Variants in ZFYVE28 observed in about 807,000 individuals in gnomAD.
The protein encoded by ZFYVE28 is lateral signaling target protein 2 homolog.
Under a neutral mutation model 82.1 loss-of-function variants are expected in ZFYVE28, and 40 were observed. The observed-to-expected ratio is 0.49, with a 90% CI of 0.38 to 0.63. The LOEUF is 0.63. Ranked by LOEUF, ZFYVE28 falls within the 30% of genes least tolerant of loss-of-function variation. The pLI is 0.00. For missense variants in ZFYVE28, 1,321 were observed against 1,242.1 expected (o/e 1.06, Z -0.96); for synonymous variants, 612 against 546.1 (o/e 1.12, Z -1.68).
Position 2,415,215 on chromosome 4 carries a change from T to A in ZFYVE28, c.39+3070A>T, listed in dbSNP as rs74799725. On this transcript the variant is annotated intron_variant, in intron 1 of 12. Transcript: ENST00000290974. ...ATTTTTATTCAGATATCAAAATGTA[T>A]GTCACACAGGAATATTTTTCAGCAT... 5.2e-3 allele frequency among the ~76,000 whole-genome samples: 792 copies of A among 152,370 alleles called. 7 individuals are homozygous for A. The highest frequency in any genetic ancestry group is 0.018 in the African/African-American group (755 of 41,586).
In ZFYVE28 at chr4:2,320,242, A is replaced by G; in HGVS notation, c.731T>C (p.Leu244Pro). Residue 244 changes from leucine to proline, a missense_variant, in exon 7 of 13, where the codon CTG becomes CCG. Coordinates refer to ENST00000290974, the MANE Select transcript of ZFYVE28 (RefSeq NM_020972.3). The surrounding 1 kb of genome is among the most constrained non-coding windows in gnomAD (Gnocchi z 5.1). ...CGLVVYADGPLNLDRKVEDMS... is the reference protein window; with the variant it reads ...CGLVVYADGPPNLDRKVEDMS... ...GTCTTCCACCTTGCGGTCCAAGTTC[A>G]GAGGTCCGTCCGCATAGACCACGAG... 1 of 1,613,780 alleles carries G rather than the reference A, an allele frequency of 6.2e-7. No individual in the cohort carries two copies. Among genetic ancestry groups the G allele is most frequent in the Non-Finnish European group, 8.5e-7 (1 of 1,179,992 alleles).
rs1293046946 is a variant in ZFYVE28 at position 2,339,811 on chromosome 4, T to C, written c.319-156A>G. Among the ~76,000 whole-genome samples the C allele has an allele frequency of 1.3e-5, 2 of 151,978 alleles. No individual in the cohort carries two copies. Among genetic ancestry groups the C allele is most frequent in the Admixed American group, 1.3e-4 (2 of 15,266 alleles). ...CCCGGTCCCCGCAGGAGGTTTTTCT[T>C]ACATTCAGAGCAATCGTGAGGGCGA... On this transcript the variant is annotated intron_variant, in intron 3 of 12. Transcript: ENST00000290974. This position sits in a 1 kb window ranked among gnomAD's most constrained non-coding sequence, Gnocchi z 5.0.
chr4:2,293,770 AAT>A lies in ZFYVE28; in HGVS notation c.2051+10517_2051+10518del, dbSNP rs201192049. On this transcript the variant is annotated intron_variant, in intron 8 of 12. Coordinates refer to ENST00000290974, the MANE Select transcript of ZFYVE28 (RefSeq NM_020972.3). ...TCCATCTCAAAAAAAAAAAAAAAAA[AAT>A]CTTCTAGAAGATCTACAAAAATCAG... Among the ~76,000 whole-genome samples the A allele has an allele frequency of 5.9e-5, 9 of 151,334 alleles. 2 individuals carry two copies. Among genetic ancestry groups the A allele is most frequent in the African/African-American group, 1.5e-4 (6 of 41,328 alleles).
chr4:2,270,355 G>GT lies in ZFYVE28; in HGVS notation c.*369_*370insA, dbSNP rs1735801515. On this transcript the variant is annotated 3_prime_UTR_variant, in exon 13 of 13. Coordinates refer to ENST00000290974, the MANE Select transcript of ZFYVE28 (RefSeq NM_020972.3). ...TTCCAGATTCACCGCAACAGCAGAG[G>GT]CGCAGAGTGGCCCCACTCTTGTCCA... 5.4e-6 allele frequency: 1 copy of GT among 186,884 alleles called. No homozygotes were observed. Among genetic ancestry groups the GT allele is most frequent in the Non-Finnish European group, 9.6e-6 (1 of 104,612 alleles). The allele number at this position is 186,884 out of a possible 1,614,324, so 11.6% of individuals were successfully genotyped here. A position where few individuals can be genotyped will look rare whatever the true frequency, so the allele number is the denominator to read the frequency against.
At chr4:2,389,893 G>A (rs868742898) in intron 1 of ZFYVE28, among the ~76,000 whole-genome samples, 3 of 152,106 alleles carry the variant, frequency 2.0e-5, no homozygotes, top group Non-Finnish European at 2.9e-5. Context: ...GTCCCCTCAC[G>A]GCATCCCCTC....
intron 1 of ZFYVE28, among the ~76,000 whole-genome samples, chr4:2,396,922 G>A (rs1301397325): frequency 3.3e-5 from 5 of 152,162 alleles, no homozygotes; most frequent in African/African-American, 4.8e-5. Flanking sequence ...GTCATGACCC[G>A]AATTGAATTG....
chr4:2,320,141 T>G lies in ZFYVE28; in HGVS notation c.803+29A>C. ...CTGTGGCCCTCCTGTCCCCCTCCCC[T>G]CCCCCACCTCCTCTAGCTCCATCCC... On this transcript the variant is annotated intron_variant, in intron 7 of 12. Transcript: ENST00000290974. This position sits in a 1 kb window ranked among gnomAD's most constrained non-coding sequence, Gnocchi z 5.1. The G allele has an allele frequency of 4.2e-4, 300 of 711,556 alleles. No homozygotes were observed. The highest frequency in any genetic ancestry group is 6.0e-4 in the Non-Finnish European group (262 of 433,882). The allele number at this position is 711,556 out of a possible 1,614,324, so 44.1% of individuals were successfully genotyped here.
chr4:2,326,753 T>A (rs949337514), intron 6 of ZFYVE28, among the ~76,000 whole-genome samples: 3 of 152,262 alleles, frequency 2.0e-5, no homozygotes, highest in Non-Finnish European at 4.4e-5. Flanking sequence ...ACCTCTGTGA[T>A]AAAAATTATT....
intron 7 of ZFYVE28, among the ~76,000 whole-genome samples, chr4:2,310,718 C>A (rs533400789): frequency 6.6e-6 from 1 of 152,114 alleles, no homozygotes; most frequent in African/African-American, 2.4e-5. Flanking sequence ...GTGGGAGGAT[C>A]GCTTGAGCCT....
rs377204241 is a variant in ZFYVE28 at position 2,296,982 on chromosome 4, G to A, written c.2051+7307C>T. ...CTGACTGCGCTGCAGGGAGGGAAGC[G>A]TGGGCTTCCGGGCCACCGAGGCCAC... On this transcript the variant is annotated intron_variant, in intron 8 of 12. Coordinates refer to ENST00000290974, the MANE Select transcript of ZFYVE28 (RefSeq NM_020972.3). Among the ~76,000 whole-genome samples the A allele has an allele frequency of 4.5e-4, 69 of 152,332 alleles. No individual in the cohort carries two copies. The South Asian group carries it at 0.013, about 29-fold the overall frequency.
chr4:2,368,688 T>C (rs541174949), intron 1 of ZFYVE28, among the ~76,000 whole-genome samples: 27 of 152,376 alleles, frequency 1.8e-4, no homozygotes, highest in African/African-American at 6.0e-4. Context: ...ACTGTGTGGA[T>C]GGACAGACCA....
At chr4:2,319,760 T>C (rs999695156) in intron 7 of ZFYVE28, among the ~76,000 whole-genome samples, 12 of 135,000 alleles carry the variant, frequency 8.9e-5, no homozygotes, top group Admixed American at 2.7e-4. Flanking sequence ...AGGGCACAGG[T>C]GGAGCACCAA....
chr4:2,304,715 G>T lies in ZFYVE28; in HGVS notation c.1625C>A (p.Ala542Asp). ...ATQEAASEPV[A>D]EGMDGGPHKL... ...GTGGGGGCCGCCATCCATCCCCTCG[G>T]CCACGGGCTCCGAGGCGGCCTCCTG... Residue 542 changes from alanine to aspartate, a missense_variant, in exon 8 of 13, where the codon GCC (alanine) becomes GAC (aspartate). This residue lies in a region of ZFYVE28 where 978 missense variants were observed against 833.7 expected (regional missense o/e 1.17). Coordinates refer to ENST00000290974, the MANE Select transcript of ZFYVE28 (RefSeq NM_020972.3). 6.2e-7 allele frequency: 1 copy of T among 1,612,696 alleles called. No homozygotes were observed. Among genetic ancestry groups the T allele is most frequent in the Non-Finnish European group, 8.5e-7 (1 of 1,179,936 alleles).
intron 6 of ZFYVE28, among the ~76,000 whole-genome samples, chr4:2,327,127 G>A (rs1478587079): frequency 2.0e-5 from 3 of 151,516 alleles, no homozygotes; most frequent in African/African-American, 4.9e-5. Context: ...GCTCATGCCT[G>A]TAGTCCCAGC....
Position 2,418,251 on chromosome 4 carries a change from G to C in ZFYVE28, c.39+34C>G. On this transcript the variant is annotated intron_variant, in intron 1 of 12. Transcript: ENST00000290974. This position sits in a 1 kb window ranked among gnomAD's most constrained non-coding sequence, Gnocchi z 4.6. ...TCCTGGGGAAGGGAGAGGCCGCGAC[G>C]CGGGGGGCGTCCGGCCCGAGCGGGG... is the stretch of plus-strand genomic sequence containing the variant. 1 of 1,532,464 alleles carries C rather than the reference G, an allele frequency of 6.5e-7. No individual in the cohort carries two copies. Among genetic ancestry groups the C allele is most frequent in the Non-Finnish European group, 8.8e-7 (1 of 1,138,866 alleles). 94.9% of individuals were successfully genotyped at this position (1,532,464 alleles called of 1,614,324 possible).
At chr4:2,383,321 G>A (rs1391175498) in intron 1 of ZFYVE28, among the ~76,000 whole-genome samples, 2 of 152,048 alleles carry the variant, frequency 1.3e-5, no homozygotes, top group South Asian at 2.1e-4. Flanking sequence ...TAAGTCTCAC[G>A]AGATCTGATG....
At chr4:2,400,020 A>G (rs3135077) in intron 1 of ZFYVE28, among the ~76,000 whole-genome samples, 129,323 of 152,234 alleles carry the variant, frequency 0.85, 55,094 homozygotes, top group Admixed American at 0.9. Context: ...GGGCGGGGAC[A>G]GCCCCACGGC....
Position 2,394,884 on chromosome 4 carries a change from A to G in ZFYVE28, c.39+23401T>C, listed in dbSNP as rs1039143208. On this transcript the variant is annotated intron_variant, in intron 1 of 12. Coordinates refer to ENST00000290974, the MANE Select transcript of ZFYVE28 (RefSeq NM_020972.3). This position sits in a 1 kb window ranked among gnomAD's most constrained non-coding sequence, Gnocchi z 4.0. ...AGGTGCCTCGCAAATTCAAGGGACT[A>G]TCATTCAATCTCTTCCCTGCAAAGG... 2.6e-5 allele frequency among the ~76,000 whole-genome samples: 4 copies of G among 152,248 alleles called. No homozygotes were observed. The highest frequency in any genetic ancestry group is 5.9e-5 in the Non-Finnish European group (4 of 68,046).
intron 4 of ZFYVE28, 102 bp from the exon 5 acceptor site, chr4:2,337,598 A>G: frequency 2.5e-6 from 2 of 800,396 alleles, no homozygotes; most frequent in South Asian, 2.1e-5. Context: ...ATGCTGGGCA[A>G]GGTGGGGGCG....
Sources: gnomAD v4.1 joint callset for allele counts (sites outside exome capture counted in the v4.1 genomes callset) on GRCh38, gnomAD v4.1.1 for gene constraint, gnomAD v4.1.1 regional missense constraint, Gnocchi (gnomAD v3.1) non-coding constraint, MANE v1.5 for transcripts, NCBI Gene and HGNC (gene_info 2026-07-23, HGNC 2026-07-21) for gene names.